The following RBFOX1 variants were observed in gnomAD, a reference collection of about 807,000 sequenced individuals.
RBFOX1 encodes RNA binding fox-1 homolog 1, also known as RNA binding protein fox-1 homolog 1.
RBFOX1 carries 8 observed loss-of-function variants against 57.7 expected under a neutral mutation model. The observed-to-expected ratio is 0.14, with a 90% confidence interval of 0.08 to 0.25. The LOEUF (loss-of-function observed/expected upper bound fraction) is 0.25. RBFOX1 is among the 10% of genes least tolerant of loss of function. RBFOX1 has a pLI of 1.00. For missense variants in RBFOX1, 611 were observed against 548.5 expected, an observed-to-expected ratio of 1.11 and a Z score of -1.14; for synonymous variants, 326 against 222.4, an observed-to-expected ratio of 1.47 and a Z score of -4.15.
In RBFOX1 at chr16:7,553,049, A is replaced by G. The variant is rs565468657; in HGVS notation, c.271-26728A>G. Among the ~76,000 whole-genome samples the G allele has an allele frequency of 6.6e-5, 10 of 152,210 alleles. 1 individual carries two copies. In the South Asian group the frequency reaches 1.9e-3, roughly 28 times the overall value. ...AAGCAAGTCAGATATTTCAGGAGAAACAAGGTATGTGCTCCTTCCTTCTTT... is the reference window on the plus strand; with the variant it reads ...AAGCAAGTCAGATATTTCAGGAGAAGCAAGGTATGTGCTCCTTCCTTCTTT... On this transcript the variant is annotated intron_variant, in intron 5 of 15. Coordinates refer to ENST00000550418, the MANE Select transcript of RBFOX1 (RefSeq NM_018723.4).
chr16:7,558,933 C>G (rs1358910600), intron 5 of RBFOX1, among the ~76,000 whole-genome samples: 1 of 152,062 alleles, frequency 6.6e-6, no homozygotes, highest in Non-Finnish European at 1.5e-5. Context: ...TAAATGAACC[C>G]CACTGTTACT....
chr16:6,314,204 G>A (rs758639867), intron 1 of RBFOX1, among the ~76,000 whole-genome samples: 2 of 152,134 alleles, frequency 1.3e-5, no homozygotes, highest in African/African-American at 4.8e-5. Context: ...GTAACCCTCT[G>A]GGGCAAGGAA....
intron 2 of RBFOX1, among the ~76,000 whole-genome samples, chr16:5,567,123 A>G (rs905970291): frequency 3.3e-5 from 5 of 152,244 alleles, no homozygotes; most frequent in Non-Finnish European, 7.3e-5. Context: ...ATGTTGAAAC[A>G]GAAAGGCCTT....
intron 5 of RBFOX1, among the ~76,000 whole-genome samples, chr16:7,562,967 G>A (rs1262130373): frequency 1.3e-5 from 2 of 152,174 alleles, no homozygotes; most frequent in Non-Finnish European, 2.9e-5. Context: ...ATCTTCTTTA[G>A]ATGCCATTAA....
chr16:7,052,316 G>T (rs181269677), intron 4 of RBFOX1, among the ~76,000 whole-genome samples: 31 of 152,222 alleles, frequency 2.0e-4, no homozygotes, highest in East Asian at 1.3e-3. Flanking sequence ...TGGATTTTTT[G>T]ATTTAGATTC....
At chr16:6,748,959 A>G (rs1056966655) in intron 3 of RBFOX1, 2 of 152,186 alleles carry the variant, frequency 1.3e-5, no homozygotes, top group African/African-American at 4.8e-5. Flanking sequence ...GGTTTTTGCT[A>G]GAAAGTTCTC....
chr16:6,388,338 C>A (rs2092413671), intron 2 of RBFOX1, among the ~76,000 whole-genome samples: 1 of 152,024 alleles, frequency 6.6e-6, no homozygotes, highest in South Asian at 2.1e-4. Flanking sequence ...GCCATTTTGG[C>A]ACCATGTGGA....
chr16:7,631,650 G>C (rs535826610), intron 11 of RBFOX1, among the ~76,000 whole-genome samples: 133 of 152,280 alleles, frequency 8.7e-4, no homozygotes, highest in African/African-American at 3.0e-3. Flanking sequence ...GGGTGGGGCT[G>C]TTTCTCAGAG....
chr16:6,677,840 A>G (rs1409385912), intron 3 of RBFOX1, among the ~76,000 whole-genome samples: 1 of 152,126 alleles, frequency 6.6e-6, no homozygotes, highest in Admixed American at 6.5e-5. Flanking sequence ...AGTGACTTTT[A>G]CCCCATAAAA....
At chr16:5,447,724 C>T (rs957990047) in intron 1 of RBFOX1, among the ~76,000 whole-genome samples, 4 of 152,176 alleles carry the variant, frequency 2.6e-5, no homozygotes, top group African/African-American at 9.7e-5. Flanking sequence ...ACTGTGTGGC[C>T]TCTCATCAGC....
intron 3 of RBFOX1, among the ~76,000 whole-genome samples, chr16:5,776,026 G>C (rs1318730168): frequency 4.0e-5 from 6 of 150,094 alleles, no homozygotes; most frequent in African/African-American, 1.2e-4. Flanking sequence ...AGCTCTTCAA[G>C]AGCCCAATGA....
intron 4 of RBFOX1, among the ~76,000 whole-genome samples, chr16:7,337,096 C>A (rs562545256): frequency 3.9e-4 from 59 of 152,230 alleles, no homozygotes; most frequent in Middle Eastern, 3.4e-3. Context: ...GCAGTCATGC[C>A]TTTAATTCCC....
In RBFOX1 at chr16:7,689,412, C is replaced by T. The variant is rs923889370; in HGVS notation, c.995+12574C>T. Among the ~76,000 whole-genome samples the T allele has an allele frequency of 7.9e-5, 12 of 152,214 alleles. No individual in the cohort carries two copies. The East Asian group carries it at 1.9e-3, about 25-fold the overall frequency. Reference sequence around the variant, plus strand: ...GCCCAAACTTCAAGGTAAGAAGCAGCAGGAGGCGTGATTCCCTCACAGCAG... The same window carrying T: ...GCCCAAACTTCAAGGTAAGAAGCAGTAGGAGGCGTGATTCCCTCACAGCAG... On this transcript the variant is annotated intron_variant, in intron 14 of 15. Coordinates refer to ENST00000550418, the MANE Select transcript of RBFOX1 (RefSeq NM_018723.4).
At chr16:7,039,284 A>G (rs1400174822) in intron 3 of RBFOX1, among the ~76,000 whole-genome samples, 2 of 152,206 alleles carry the variant, frequency 1.3e-5, no homozygotes, top group East Asian at 3.8e-4. Flanking sequence ...TAGCCTTGAC[A>G]AGCTCTTTCG....
intron 3 of RBFOX1, among the ~76,000 whole-genome samples, chr16:6,781,351 C>G (rs1771093608): frequency 6.6e-6 from 1 of 151,902 alleles, no homozygotes; most frequent in Non-Finnish European, 1.5e-5. Context: ...AGGATTTTTG[C>G]ATTCATGTTC....
At chr16:6,464,231 C>T (rs1317562984) in intron 2 of RBFOX1, among the ~76,000 whole-genome samples, 1 of 152,092 alleles carries the variant, frequency 6.6e-6, no homozygotes, top group African/African-American at 2.4e-5. Context: ...TTGCTAATAG[C>T]CATTTTGGTA....
At chr16:6,293,567 G>T (rs2077698973) in intron 1 of RBFOX1, among the ~76,000 whole-genome samples, 1 of 152,114 alleles carries the variant, frequency 6.6e-6, no homozygotes, top group Non-Finnish European at 1.5e-5. Flanking sequence ...TTTGGAGAGG[G>T]GCAAGCAATA....
chr16:6,211,690 G>C (rs1166934044), intron 1 of RBFOX1, among the ~76,000 whole-genome samples: 2 of 152,074 alleles, frequency 1.3e-5, no homozygotes, highest in Non-Finnish European at 2.9e-5. Flanking sequence ...TCCTATCTTT[G>C]AGTTTAGGAT....
chr16:6,852,133 C>T (rs750852103), intron 3 of RBFOX1, among the ~76,000 whole-genome samples: 1 of 152,006 alleles, frequency 6.6e-6, no homozygotes, highest in African/African-American at 2.4e-5. Context: ...TATTATCTAA[C>T]AGTTTTGGTG....
Sources: gnomAD v4.1 joint callset for allele counts (sites outside exome capture counted in the v4.1 genomes callset) on GRCh38, gnomAD v4.1.1 for gene constraint, MANE v1.5 for transcripts, NCBI Gene and HGNC (gene_info 2026-07-23, HGNC 2026-07-21) for gene names.